PRKN: variants seen among roughly 807,000 people sequenced by gnomAD.
The protein encoded by PRKN is parkin RBR E3 ubiquitin protein ligase.
PRKN carries 56 observed loss-of-function variants against 59.5 expected under a neutral mutation model. The observed-to-expected ratio is 0.94, with a 90% confidence interval of 0.76 to 1.18. The LOEUF is 1.18. PRKN is among the 50% of genes most tolerant of loss of function. The pLI is 0.00. For synonymous variants in PRKN, 250 were observed against 222.1 expected (o/e 1.13, Z -1.12); for missense variants, 657 against 596.4 (o/e 1.10, Z -1.06).
At chr6:162,367,501 T>C (rs1785509879) in intron 2 of PRKN, among the ~76,000 whole-genome samples, 1 of 152,188 alleles carries the variant, frequency 6.6e-6, no homozygotes, top group African/African-American at 2.4e-5. Flanking sequence ...CTTTTTCTGT[T>C]ATTAAAAATT....
At chr6:162,318,519 TTG>T (rs1214133891) in intron 2 of PRKN, among the ~76,000 whole-genome samples, 9 of 152,094 alleles carry the variant, frequency 5.9e-5, no homozygotes, top group African/African-American at 2.2e-4. Context: ...TATATTTCAG[TTG>T]TGTGGAACCA....
At chr6:161,934,105 G>A (rs75201499) in intron 6 of PRKN, among the ~76,000 whole-genome samples, 1,924 of 152,292 alleles carry the variant, frequency 0.013, 46 homozygotes, top group African/African-American at 0.042. Flanking sequence ...TCACGGGGGC[G>A]CTTCGCCATG....
chr6:161,390,480 T>C lies in PRKN; in HGVS notation c.1084-3603A>G, dbSNP rs1786456958. ...TGTAAACATCCATTTGGAACAAAGA[T>C]GTGATTTATTTATTTATTTATTTAT... On this transcript the variant is annotated intron_variant, in intron 9 of 11. Transcript: ENST00000366898. This position sits in a 1 kb window ranked among gnomAD's most constrained non-coding sequence, Gnocchi z 7.0. Among the ~76,000 whole-genome samples, 1 of 151,866 alleles carries C rather than the reference T, an allele frequency of 6.6e-6. No individual in the cohort carries two copies. Among genetic ancestry groups the C allele is most frequent in the African/African-American group, 2.4e-5 (1 of 41,344 alleles).
At chr6:162,531,245 C>T (rs1363715751) in intron 1 of PRKN, among the ~76,000 whole-genome samples, 2 of 151,610 alleles carry the variant, frequency 1.3e-5, no homozygotes, top group African/African-American at 4.9e-5. Context: ...GTAATCCCAG[C>T]TACTCGGGAG....
At chr6:161,649,025 A>G (rs930901034) in intron 7 of PRKN, among the ~76,000 whole-genome samples, 3 of 152,266 alleles carry the variant, frequency 2.0e-5, no homozygotes, top group African/African-American at 7.2e-5. Flanking sequence ...GTTTGCAAGT[A>G]GCTAAATACA....
chr6:162,487,027 A>T (rs932689109), intron 1 of PRKN, among the ~76,000 whole-genome samples: 1 of 152,034 alleles, frequency 6.6e-6, no homozygotes, highest in Non-Finnish European at 1.5e-5. Flanking sequence ...CCAAGATCGC[A>T]CCATTGCACT....
rs1790311854 is a variant in PRKN at position 161,463,512 on chromosome 6, A to G, written c.1084-76635T>C. Among the ~76,000 whole-genome samples the G allele has an allele frequency of 1.3e-5, 2 of 152,188 alleles. No homozygotes were observed. Among genetic ancestry groups the G allele is most frequent in the Admixed American group, 1.3e-4 (2 of 15,282 alleles). On this transcript the variant is annotated intron_variant, in intron 9 of 11. Coordinates refer to ENST00000366898, the MANE Select transcript of PRKN (RefSeq NM_004562.3). This position sits in a 1 kb window ranked among gnomAD's most constrained non-coding sequence, Gnocchi z 4.8. ...ACTTTTCTGAGGGCATCAACTACCA[A>G]GGTTGGAGGGATCTTTACATCAACC...
At chr6:162,204,306 A>C (rs1260436311) in intron 3 of PRKN, among the ~76,000 whole-genome samples, 4 of 152,142 alleles carry the variant, frequency 2.6e-5, no homozygotes, top group Non-Finnish European at 5.9e-5. Flanking sequence ...GTGCTAAGTG[A>C]AGCCACATTA....
At chr6:161,998,341 A>T (rs1008119145) in intron 5 of PRKN, among the ~76,000 whole-genome samples, 5 of 152,156 alleles carry the variant, frequency 3.3e-5, no homozygotes, top group Non-Finnish European at 5.9e-5. Flanking sequence ...ATTTCTCAGT[A>T]AATCATAGTT....
intron 6 of PRKN, among the ~76,000 whole-genome samples, chr6:161,967,013 G>C (rs1412378848): frequency 1.3e-5 from 2 of 152,116 alleles, no homozygotes; most frequent in South Asian, 4.1e-4. Flanking sequence ...TGTATTTTTA[G>C]TAGAGATGGG....
chr6:162,306,913 G>A (rs1192819202), intron 2 of PRKN, among the ~76,000 whole-genome samples: 1 of 152,156 alleles, frequency 6.6e-6, no homozygotes. Flanking sequence ...GTGTGTCCAG[G>A]TGTGTTGTTT....
chr6:162,165,238 T>C (rs13194829), intron 4 of PRKN, among the ~76,000 whole-genome samples: 82,139 of 147,818 alleles, frequency 0.56, 25,829 homozygotes, highest in Non-Finnish European at 0.62. Context: ...GAAAAAAAAA[T>C]AGGAGAATAT....
rs1034082645 is a variant in PRKN at position 162,211,656 on chromosome 6, A to G, written c.413-10404T>C. 3.9e-5 allele frequency among the ~76,000 whole-genome samples: 6 copies of G among 152,292 alleles called. No individual in the cohort carries two copies. The South Asian group carries it at 6.2e-4, about 16-fold the overall frequency. ...CTCCCACATTCTTTGTTCATCTTCA[A>G]TAGCCAATATAATTAGTTTTGTATA... is the stretch of plus-strand genomic sequence containing the variant. On this transcript the variant is annotated intron_variant, in intron 3 of 11. Coordinates refer to ENST00000366898, the MANE Select transcript of PRKN (RefSeq NM_004562.3).
chr6:161,690,006 C>A (rs1481381521), intron 7 of PRKN, among the ~76,000 whole-genome samples: 2 of 152,136 alleles, frequency 1.3e-5, no homozygotes, highest in Non-Finnish European at 2.9e-5. Flanking sequence ...CACACCGCAG[C>A]TGGCCAGAAT....
chr6:162,418,029 CAT>C (rs1788734198), intron 2 of PRKN, among the ~76,000 whole-genome samples: 1 of 152,196 alleles, frequency 6.6e-6, no homozygotes, highest in East Asian at 1.9e-4. Flanking sequence ...GCAGTAAAAA[CAT>C]AGGCCTATAC....
chr6:162,264,807 A>C (rs1780054594), intron 2 of PRKN: 1 of 151,886 alleles, frequency 6.6e-6, no homozygotes, highest in South Asian at 2.1e-4. Flanking sequence ...CCACCTAAAA[A>C]TCTCATTATC....
intron 1 of PRKN, among the ~76,000 whole-genome samples, chr6:162,461,941 G>A (rs572485840): frequency 6.6e-6 from 1 of 152,284 alleles, no homozygotes; most frequent in South Asian, 2.1e-4. Flanking sequence ...GGATTTCCAG[G>A]TAGAGATTTG....
Position 161,362,182 on chromosome 6 carries a change from G to T in PRKN, c.1168-1977C>A, listed in dbSNP as rs926403897. ...AGCAACATGGCATACTGCATGTGAA[G>T]GGCAATTTCTCCCAGGTCCACACAC... On this transcript the variant is annotated intron_variant, in intron 10 of 11. Coordinates refer to ENST00000366898, the MANE Select transcript of PRKN (RefSeq NM_004562.3). This position sits in a 1 kb window ranked among gnomAD's most constrained non-coding sequence, Gnocchi z 5.2. 1.3e-5 allele frequency among the ~76,000 whole-genome samples: 2 copies of T among 152,192 alleles called. No homozygotes were observed. The highest frequency in any genetic ancestry group is 2.9e-5 in the Non-Finnish European group (2 of 68,038).
At chr6:161,416,868 G>A (rs984682054) in intron 9 of PRKN, among the ~76,000 whole-genome samples, 1 of 152,144 alleles carries the variant, frequency 6.6e-6, no homozygotes, top group Non-Finnish European at 1.5e-5. Flanking sequence ...CCATCTAGAC[G>A]TCCAGCAGAT....
Sources: allele counts gnomAD v4.1 joint callset (sites outside exome capture counted in the v4.1 genomes callset), GRCh38; gene constraint gnomAD v4.1.1; non-coding constraint Gnocchi (gnomAD v3.1); transcripts MANE v1.5; gene names NCBI Gene and HGNC (gene_info 2026-07-23, HGNC 2026-07-21).